ASCL5: variants seen among roughly 807,000 people sequenced by gnomAD.
The protein encoded by ASCL5 is achaete-scute homolog 5.
For synonymous variants in ASCL5, 124 were observed against 131.5 expected, an observed-to-expected ratio of 0.94 and a Z score of 0.39; for missense variants, 262 against 268.9, an observed-to-expected ratio of 0.97 and a Z score of 0.18.
chr1:201,119,086 A>G (rs1663402288), intron 1 of ASCL5, among the ~76,000 whole-genome samples: 3 of 152,232 alleles, frequency 2.0e-5, no homozygotes, highest in African/African-American at 7.2e-5. Context: ...TACAATTATA[A>G]TGATAATTCC....
intron 1 of ASCL5, among the ~76,000 whole-genome samples, chr1:201,118,042 T>A (rs906158779): frequency 6.6e-6 from 1 of 152,262 alleles, no homozygotes; most frequent in African/African-American, 2.4e-5. Context: ...TATTTGTTCA[T>A]GTTGATTTAA....
Position 201,115,271 on chromosome 1 carries a change from C to A in ASCL5, c.102G>T (p.Leu34=). 4.9e-6 allele frequency: 6 copies of A among 1,231,336 alleles called. No homozygotes were observed. The highest frequency in any genetic ancestry group is 6.1e-6 in the Non-Finnish European group (6 of 987,742). The allele number at this position is 1,231,336 out of a possible 1,614,324, so 76.3% of individuals were successfully genotyped here. A position where few individuals can be genotyped will look rare whatever the true frequency, so the allele number is the denominator to read the frequency against. ...CGTTGCCCAGGGGCTCGGCGGGGGG[C>A]AGGGGCGCCTGCCGGGGAGGGGGCA... The part of the protein sequence containing the change: ...GVMPPPRQAP[L]PPAEPLGNVP... The change falls in exon 2 of 2, where the codon CTG becomes CTT. Residue 34 remains leucine (L), a synonymous_variant. Coordinates refer to ENST00000449188, the MANE Select transcript of ASCL5 (RefSeq NM_001270601.2).
Position 201,114,778 on chromosome 1 carries a change from A to G in ASCL5, c.595T>C (p.Leu199=). The G allele has an allele frequency of 8.1e-7, 1 of 1,229,064 alleles. No individual in the cohort carries two copies. The highest frequency in any genetic ancestry group is 1.0e-6 in the Non-Finnish European group (1 of 986,214). 76.1% of individuals were successfully genotyped at this position (1,229,064 alleles called of 1,614,324 possible). Residue 199 remains leucine, a synonymous_variant, in exon 2 of 2, where the codon TTG becomes CTG. Transcript: ENST00000449188. ...CAATGCCAGGATTCCTCCGACTCCA[A>G]GAAAGGCGACGGGGAGAAGCAGGAG... The part of the protein sequence containing the change: ...ESSCFSPSPF[L]ESEESWH
chr1:201,122,489 A>G (rs1265519816), intron 1 of ASCL5, among the ~76,000 whole-genome samples: 1 of 152,132 alleles, frequency 6.6e-6, no homozygotes, highest in East Asian at 1.9e-4. Context: ...CACACCTGAG[A>G]GAAGGTATTA....
intron 1 of ASCL5, among the ~76,000 whole-genome samples, chr1:201,121,130 A>G (rs977182950): frequency 6.6e-6 from 1 of 152,170 alleles, no homozygotes; most frequent in Non-Finnish European, 1.5e-5. Context: ...TGGCCCTTGG[A>G]GGGCATGTTA....
rs1301425188 is a variant in ASCL5 at position 201,115,165 on chromosome 1, G to A, written c.208C>T (p.Pro70Ser). 2 of 1,231,588 alleles carry A rather than the reference G, an allele frequency of 1.6e-6. No individual in the cohort carries two copies. Among genetic ancestry groups the A allele is most frequent in the East Asian group, 3.2e-5 (1 of 31,698 alleles). 76.3% of individuals were successfully genotyped at this position (1,231,588 alleles called of 1,614,324 possible). ...TATTCGTAGACCCCGAAGGCGCCGG[G>A]GAAGGGCACGTAGGGGAACACCCCC... ...YAGVFPYVPF[P>S]GAFGVYEYPF... The change falls in exon 2 of 2, where the codon CCC becomes TCC. Residue 70 changes from proline (P) to serine (S), a missense_variant. Physicochemically the swap from Pro to Ser is moderately conservative, Grantham distance 74. Transcript: ENST00000449188.
In ASCL5 at chr1:201,114,948, G is replaced by A. The variant is rs1282369687; in HGVS notation, c.425C>T (p.Ala142Val). Residue 142 changes from alanine (A) to valine (V), a missense_variant, in exon 2 of 2, where the codon GCC becomes GTC. Physicochemically the swap from Ala to Val is moderately conservative, Grantham distance 64. Coordinates refer to ENST00000449188, the MANE Select transcript of ASCL5 (RefSeq NM_001270601.2). ...AGCGGGGGGCGTCGAGCCGTCGGGG[G>A]CCGAGCTCAGCAGCTCTTGCAGGTA... ...IKYLQELLSS[A>V]PDGSTPPASR... is the part of the protein sequence containing the mutation. 9 of 1,231,290 alleles carry A rather than the reference G, an allele frequency of 7.3e-6. No individual in the cohort carries two copies. Among genetic ancestry groups the A allele is most frequent in the Non-Finnish European group, 9.1e-6 (9 of 987,712 alleles). 76.3% of individuals were successfully genotyped at this position (1,231,290 alleles called of 1,614,324 possible). A position where few individuals can be genotyped will look rare whatever the true frequency, so the allele number is the denominator to read the frequency against.
intron 1 of ASCL5, among the ~76,000 whole-genome samples, chr1:201,122,828 T>C (rs1663510415): frequency 6.6e-6 from 1 of 152,206 alleles, no homozygotes; most frequent in Non-Finnish European, 1.5e-5. Context: ...GGATGAATCC[T>C]GGCGCTGCTC....
chr1:201,122,635 T>C (rs1020799623), intron 1 of ASCL5, among the ~76,000 whole-genome samples: 5 of 152,126 alleles, frequency 3.3e-5, no homozygotes, highest in African/African-American at 1.2e-4. Flanking sequence ...GGTCCCCACC[T>C]TTTTTATGAG....
At chr1:201,125,066 C>G (rs1263418559) in intron 1 of ASCL5, among the ~76,000 whole-genome samples, 1 of 152,242 alleles carries the variant, frequency 6.6e-6, no homozygotes, top group Non-Finnish European at 1.5e-5. Context: ...GACTCTGGAG[C>G]CAGCCAGATG....
intron 1 of ASCL5, among the ~76,000 whole-genome samples, chr1:201,126,878 T>C (rs1175842493): frequency 6.6e-6 from 1 of 152,272 alleles, no homozygotes; most frequent in Non-Finnish European, 1.5e-5. Flanking sequence ...TGATCTCGCC[T>C]TCTCCCAGCA....
Position 201,114,789 on chromosome 1 carries a change from G to A in ASCL5, c.584C>T (p.Pro195Leu). Residue 195 changes from proline to leucine, a missense_variant, in exon 2 of 2, where the codon CCG becomes CTG. Transcript: ENST00000449188. ...PESSESSCFS[P>L]SPFLESEESW... ...TTCCTCCGACTCCAAGAAAGGCGAC[G>A]GGGAGAAGCAGGAGGACTCGGATGA... 2.4e-6 allele frequency: 3 copies of A among 1,231,252 alleles called. No individual in the cohort carries two copies. Among genetic ancestry groups the A allele is most frequent in the Non-Finnish European group, 3.0e-6 (3 of 987,650 alleles). 76.3% of individuals were successfully genotyped at this position (1,231,252 alleles called of 1,614,324 possible).
chr1:201,121,752 G>A (rs551713175), intron 1 of ASCL5, among the ~76,000 whole-genome samples: 1 of 151,944 alleles, frequency 6.6e-6, no homozygotes. Context: ...GATCAGTTGA[G>A]CTCAGGAGGT....
chr1:201,116,391 T>C (rs964449676), intron 1 of ASCL5, among the ~76,000 whole-genome samples: 4 of 152,172 alleles, frequency 2.6e-5, no homozygotes, highest in Non-Finnish European at 5.9e-5. Flanking sequence ...CAAAGCCCTC[T>C]GCCTGGCAGA....
At chr1:201,122,924 T>C (rs1663511908) in intron 1 of ASCL5, among the ~76,000 whole-genome samples, 1 of 152,164 alleles carries the variant, frequency 6.6e-6, no homozygotes. Context: ...ATACCTACCT[T>C]AGAGGTTACT....
At chr1:201,124,836 C>T (rs542012280) in intron 1 of ASCL5, among the ~76,000 whole-genome samples, 92 of 152,264 alleles carry the variant, frequency 6.0e-4, no homozygotes, top group Admixed American at 5.8e-3. Flanking sequence ...CAGGAGGGAC[C>T]GAGGCCAGGA....
chr1:201,117,248 C>A (rs891211428), intron 1 of ASCL5, among the ~76,000 whole-genome samples: 4 of 152,078 alleles, frequency 2.6e-5, no homozygotes, highest in Non-Finnish European at 5.9e-5. Flanking sequence ...CCAGCCTGGC[C>A]AACATGATGA....
rs1663300052 is a variant in ASCL5, at chr1:201,114,803, G to A, written c.570C>T (p.Ser190=). Residue 190 remains serine (S), a synonymous_variant, in exon 2 of 2, where the codon TCC becomes TCT. Transcript: ENST00000449188. ...AGAAAGGCGACGGGGAGAAGCAGGAGGACTCGGATGACTCCGGCACCAGGG... is the reference window on the plus strand; with the variant it reads ...AGAAAGGCGACGGGGAGAAGCAGGAAGACTCGGATGACTCCGGCACCAGGG... ...PSSLVPESSE[S]SCFSPSPFLE... 2 of 1,231,224 alleles carry A rather than the reference G, an allele frequency of 1.6e-6. No homozygotes were observed. Among genetic ancestry groups the A allele is most frequent in the African/African-American group, 1.6e-5 (1 of 64,478 alleles). 76.3% of individuals were successfully genotyped at this position (1,231,224 alleles called of 1,614,324 possible).
chr1:201,116,393 C>T (rs7516023), intron 1 of ASCL5, among the ~76,000 whole-genome samples: 81,961 of 151,950 alleles, frequency 0.54, 24,077 homozygotes, highest in East Asian at 0.78. Context: ...AAGCCCTCTG[C>T]CTGGCAGAGA....
Sources: gnomAD v4.1 joint callset for allele counts (sites outside exome capture counted in the v4.1 genomes callset) on GRCh38, gnomAD v4.1.1 for gene constraint, MANE v1.5 for transcripts, NCBI Gene and HGNC (gene_info 2026-07-23, HGNC 2026-07-21) for gene names.